The following UBR4 variants were observed in gnomAD, a reference collection of about 807,000 sequenced individuals.
UBR4 encodes the protein E3 ubiquitin-protein ligase UBR4.
A neutral mutation model predicts 575.6 loss-of-function variants in UBR4; 124 were observed. That is an observed-to-expected ratio of 0.22 (90% CI 0.19 to 0.25). The LOEUF (loss-of-function observed/expected upper bound fraction) is 0.25. Ranked by LOEUF, UBR4 falls within the 10% of genes least tolerant of loss-of-function variation. UBR4 has a pLI of 1.00. For missense variants in UBR4, 4,818 were observed against 6,478.8 expected (o/e 0.74, Z 8.80); for synonymous variants, 2,455 against 2,473.7 (o/e 0.99, Z 0.22).
chr1:19,209,309 T>C (rs1407929134), intron 1 of UBR4, among the ~76,000 whole-genome samples: 1 of 152,206 alleles, frequency 6.6e-6, no homozygotes, highest in Non-Finnish European at 1.5e-5. Context: ...GAGCACAGTA[T>C]GTCAGGAAAA....
intron 20 of UBR4, among the ~76,000 whole-genome samples, chr1:19,175,505 A>G (rs2090144975): frequency 6.6e-6 from 1 of 152,236 alleles, no homozygotes; most frequent in Admixed American, 6.5e-5. Context: ...TTAACATCTA[A>G]TAATCCTCAG....
chr1:19,110,974 C>A lies in UBR4; in HGVS notation c.11802-142G>T. ...TTTCTACTTCCTTCCCGGGGCAAGACTAGAACTTTAGCTTCACAAAACCGT... is the reference window on the plus strand; with the variant it reads ...TTTCTACTTCCTTCCCGGGGCAAGAATAGAACTTTAGCTTCACAAAACCGT... On this transcript the variant is annotated intron_variant, in intron 78 of 105. Coordinates refer to ENST00000375254, the MANE Select transcript of UBR4 (RefSeq NM_020765.3). The surrounding 1 kb of genome is among the most constrained non-coding windows in gnomAD (Gnocchi z 4.5). 1.3e-6 allele frequency: 1 copy of A among 797,790 alleles called. No homozygotes were observed. The allele number at this position is 797,790 out of a possible 1,614,324, so 49.4% of individuals were successfully genotyped here. A position where few individuals can be genotyped will look rare whatever the true frequency, so the allele number is the denominator to read the frequency against.
chr1:19,142,430 G>C (rs2084053899), intron 55 of UBR4, among the ~76,000 whole-genome samples: 1 of 152,208 alleles, frequency 6.6e-6, no homozygotes, highest in African/African-American at 2.4e-5. Context: ...GATTGCTAAA[G>C]CTTGTAAATA....
Position 19,153,495 on chromosome 1 carries a change from T to C in UBR4, c.6638A>G (p.Asp2213Gly). Residue 2213 changes from aspartate (D) to glycine (G), a missense_variant, in exon 46 of 106, where the codon GAC becomes GGC. Transcript: ENST00000375254. This position sits in a 1 kb window ranked among gnomAD's most constrained non-coding sequence, Gnocchi z 4.1. ...GGCCGTGTGCCTAATAGCAACCATGTCTTGGATCTAGGAGGAGAGGACAAA... is the reference window on the plus strand; with the variant it reads ...GGCCGTGTGCCTAATAGCAACCATGCCTTGGATCTAGGAGGAGAGGACAAA... ...KTLPAKAKIQ[D>G]MVAIRHTACN... 6.2e-7 allele frequency: 1 copy of C among 1,614,010 alleles called. No individual in the cohort carries two copies. Among genetic ancestry groups the C allele is most frequent in the Non-Finnish European group, 8.5e-7 (1 of 1,179,992 alleles).
At chr1:19,119,493 TAACTCAAG>T in intron 70 of UBR4, 56 bp downstream of exon 70, 1 of 1,577,312 alleles carries the variant, frequency 6.3e-7, no homozygotes, top group African/African-American at 1.4e-5. Context: ...ATAATATTCT[TAACTCAAG>T]AGAAAAAAGG....
chr1:19,126,155 T>A (rs1043779097), intron 64 of UBR4, among the ~76,000 whole-genome samples: 8 of 152,146 alleles, frequency 5.3e-5, no homozygotes, highest in African/African-American at 1.7e-4. Flanking sequence ...GACCCACAAC[T>A]CATGACATTA....
At chr1:19,082,498 A>G (rs981255907) in intron 102 of UBR4, among the ~76,000 whole-genome samples, 2 of 152,200 alleles carry the variant, frequency 1.3e-5, no homozygotes, top group African/African-American at 4.8e-5. Context: ...AGGTGACTTA[A>G]GTCCTTCCTG....
chr1:19,138,297 G>A, intron 59 of UBR4, 116 bp from the exon 60 acceptor site: 3 of 1,143,372 alleles, frequency 2.6e-6, no homozygotes, highest in African/African-American at 1.6e-5. Context: ...GACAATAACT[G>A]GTAGCATTTT....
Position 19,088,759 on chromosome 1 carries a change from C to G in UBR4, c.14430G>C (p.Thr4810=), listed in dbSNP as rs1162171767. 1 of 1,613,024 alleles carries G rather than the reference C, an allele frequency of 6.2e-7. No homozygotes were observed. Among genetic ancestry groups the G allele is most frequent in the Admixed American group, 1.7e-5 (1 of 60,024 alleles). Residue 4810 remains threonine, a splice_region_variant and synonymous_variant, in exon 98 of 106, where the codon ACG becomes ACC. Transcript: ENST00000375254. This position sits in a 1 kb window ranked among gnomAD's most constrained non-coding sequence, Gnocchi z 4.0. ...RQKALGTLGM[T]TNEKGQVVTK... ...TGGGGACTCTAGGTGGTAGCTTTACCGTCATGCCCAGGGTGCCCAGGGCCT... is the reference window on the plus strand; with the variant it reads ...TGGGGACTCTAGGTGGTAGCTTTACGGTCATGCCCAGGGTGCCCAGGGCCT...
In UBR4 at chr1:19,110,617, A is replaced by G. The variant is rs2079744674; in HGVS notation, c.11892+125T>C. 3 of 1,386,742 alleles carry G rather than the reference A, an allele frequency of 2.2e-6. No homozygotes were observed. The highest frequency in any genetic ancestry group is 3.1e-6 in the Non-Finnish European group (3 of 980,982). 85.9% of individuals were successfully genotyped at this position (1,386,742 alleles called of 1,614,324 possible). A position where few individuals can be genotyped will look rare whatever the true frequency, so the allele number is the denominator to read the frequency against. On this transcript the variant is annotated intron_variant, in intron 79 of 105. Transcript: ENST00000375254. This position sits in a 1 kb window ranked among gnomAD's most constrained non-coding sequence, Gnocchi z 4.5. ...CTCCAGGCTCTTCCCTGGGAAAACC[A>G]TTCTGGGGTAATGTTCTGCTCCTTC...
intron 1 of UBR4, among the ~76,000 whole-genome samples, chr1:19,202,316 C>T (rs182191817): frequency 8.0e-4 from 122 of 152,184 alleles, no homozygotes; most frequent in African/African-American, 2.7e-3. Flanking sequence ...GCAGAACTAA[C>T]GAAATGCAAG....
chr1:19,123,473 G>T (rs886120698), intron 65 of UBR4, among the ~76,000 whole-genome samples: 1 of 139,884 alleles, frequency 7.1e-6, no homozygotes, highest in African/African-American at 2.6e-5. Context: ...AAAAAACAAA[G>T]GCTGGGGAGA....
rs1443261748 is a variant in UBR4, at chr1:19,101,909, T to C, written c.12902-268A>G. On this transcript the variant is annotated intron_variant, in intron 87 of 105. Transcript: ENST00000375254. Reference sequence around the variant, plus strand: ...ACATGTCTTGCTCTCTCTCAGGATATAACCTCCTCAAGGAGAGGGACTGTG... The same window carrying C: ...ACATGTCTTGCTCTCTCTCAGGATACAACCTCCTCAAGGAGAGGGACTGTG... Among the ~76,000 whole-genome samples, 5 of 152,236 alleles carry C rather than the reference T, an allele frequency of 3.3e-5. No homozygotes were observed. The East Asian group carries it at 9.6e-4, about 29-fold the overall frequency.
intron 1 of UBR4, among the ~76,000 whole-genome samples, chr1:19,202,353 T>C (rs12121004): frequency 0.1 from 15,633 of 152,254 alleles, 899 homozygotes; most frequent in Non-Finnish European, 0.13. Context: ...TATCAATCTG[T>C]TCTATATTAC....
chr1:19,183,926 T>C, intron 16 of UBR4, 30 bp from the exon 17 acceptor site: 1 of 1,613,912 alleles, frequency 6.2e-7, no homozygotes, highest in Non-Finnish European at 8.5e-7. Flanking sequence ...GCCAATTATT[T>C]AAGCAGCTAT....
chr1:19,153,862 C>A lies in UBR4; in HGVS notation c.6536G>T (p.Cys2179Phe). Residue 2179 changes from cysteine (C) to phenylalanine (F), a missense_variant, in exon 45 of 106, where the codon TGT becomes TTT. Physicochemically the swap from Cys to Phe is radical, Grantham distance 205. Around this residue, in one of 29 missense-constraint regions of UBR4, gnomAD observed 461 missense variants for 606.9 expected, o/e 0.76. Transcript: ENST00000375254. This position sits in a 1 kb window ranked among gnomAD's most constrained non-coding sequence, Gnocchi z 4.1. ...CGGCACCCCTGTAGTTTGCTGGACACAGCACACCAAGCCAGGGTGGTTCAT... is the reference window on the plus strand; with the variant it reads ...CGGCACCCCTGTAGTTTGCTGGACAAAGCACACCAAGCCAGGGTGGTTCAT... ...EVMNHPGLVC[C>F]VQQTTGVPLV... The A allele has an allele frequency of 1.2e-6, 2 of 1,614,186 alleles. No individual in the cohort carries two copies. The highest frequency in any genetic ancestry group is 1.7e-6 in the Non-Finnish European group (2 of 1,180,022).
chr1:19,128,897 G>A (rs2082112694), intron 61 of UBR4, 81 bp downstream of exon 61: 2 of 1,280,550 alleles, frequency 1.6e-6, no homozygotes, highest in Admixed American at 3.5e-5. Context: ...AGGCTTCCAG[G>A]TCCTCTGGAA....
rs2084473148 is a variant in UBR4 at position 19,143,973 on chromosome 1, A to G, written c.8179+7T>C. 6.2e-7 allele frequency: 1 copy of G among 1,612,844 alleles called. No individual in the cohort carries two copies. Among genetic ancestry groups the G allele is most frequent in the Non-Finnish European group, 8.5e-7 (1 of 1,179,034 alleles). On this transcript the variant is annotated splice_region_variant and intron_variant, in intron 55 of 105. Transcript: ENST00000375254. Reference sequence around the variant, plus strand: ...AGGCTTGAGCCTAAACCCAGACCTCATATTACCCATTGGAGTGTTGCTTCG... The same window carrying G: ...AGGCTTGAGCCTAAACCCAGACCTCGTATTACCCATTGGAGTGTTGCTTCG...
rs777501422 is a variant in UBR4, at chr1:19,153,906, A to C, written c.6492T>G (p.Leu2164=). 1.2e-6 allele frequency: 2 copies of C among 1,614,036 alleles called. No individual in the cohort carries two copies. The highest frequency in any genetic ancestry group is 1.7e-6 in the Non-Finnish European group (2 of 1,180,008). ...GGTTCATCACCTCAGACCACTGGCA[A>C]AGAGCAGGAGAAGTCTTACTGCCAC... ...SNGGSKTSPA[L]CQWSEVMNHP... The change falls in exon 45 of 106, where the codon CTT becomes CTG. Residue 2164 remains leucine, a synonymous_variant. Coordinates refer to ENST00000375254, the MANE Select transcript of UBR4 (RefSeq NM_020765.3). This position sits in a 1 kb window ranked among gnomAD's most constrained non-coding sequence, Gnocchi z 4.1.
Sources: allele counts gnomAD v4.1 joint callset (sites outside exome capture counted in the v4.1 genomes callset), GRCh38; gene constraint gnomAD v4.1.1; regional missense constraint gnomAD v4.1.1; non-coding constraint Gnocchi (gnomAD v3.1); transcripts MANE v1.5; gene names NCBI Gene and HGNC (gene_info 2026-07-23, HGNC 2026-07-21).